MAP2: variants seen among roughly 807,000 people sequenced by gnomAD.
MAP2 encodes the protein microtubule associated protein 2, also known as microtubule-associated protein 2.
MAP2 carries 14 observed loss-of-function variants against 137.6 expected under a neutral mutation model. That is an observed-to-expected ratio of 0.10 (90% CI 0.07 to 0.16). The LOEUF (loss-of-function observed/expected upper bound fraction) is 0.16. MAP2 is among the 10% of genes least tolerant of loss of function. The pLI is 1.00. For missense variants in MAP2, 2,088 were observed against 2,191.5 expected (o/e 0.95, Z 0.94); for synonymous variants, 786 against 782.3 (o/e 1.00, Z -0.08).
intron 2 of MAP2, among the ~76,000 whole-genome samples, chr2:209,526,747 G>C (rs1312979525): frequency 1.3e-5 from 2 of 150,230 alleles, no homozygotes; most frequent in African/African-American, 4.9e-5. Context: ...AAAGAAGGAA[G>C]TGCTGCTATA....
chr2:209,502,268 C>G (rs2060472620), intron 1 of MAP2, among the ~76,000 whole-genome samples: 1 of 152,176 alleles, frequency 6.6e-6, no homozygotes, highest in South Asian at 2.1e-4. Flanking sequence ...CTCCCCACCT[C>G]CAGATAACCA....
At chr2:209,644,025 T>A (rs2094224714) in intron 4 of MAP2, among the ~76,000 whole-genome samples, 1 of 152,196 alleles carries the variant, frequency 6.6e-6, no homozygotes, top group Admixed American at 6.5e-5. Context: ...AAAGCACTAG[T>A]CTTCAAATGT....
intron 2 of MAP2, among the ~76,000 whole-genome samples, chr2:209,543,371 C>A (rs939822321): frequency 3.3e-5 from 5 of 152,166 alleles, no homozygotes; most frequent in Non-Finnish European, 7.3e-5. Flanking sequence ...GCTTGAATTA[C>A]TTTGAGAATT....
At chr2:209,681,812 T>G (rs545757580) in intron 7 of MAP2, among the ~76,000 whole-genome samples, 1 of 152,332 alleles carries the variant, frequency 6.6e-6, no homozygotes, top group South Asian at 2.1e-4. Context: ...ATTTAAAATA[T>G]TCTTTGATTT....
At position 209,678,631 on chromosome 2, in the gene MAP2, G is replaced by A. The variant is rs752068046; in HGVS notation, c.322G>A (p.Gly108Ser). Reference protein sequence around the residue: ...VTAEAVAVLKGEQEKEAQHKD... With the variant: ...VTAEAVAVLKSEQEKEAQHKD... Reference sequence around the variant, plus strand: ...TGCTGAGGCTGTAGCAGTCCTGAAAGGTGAACAAGAGAAAGAAGCTCAACA... The same window carrying A: ...TGCTGAGGCTGTAGCAGTCCTGAAAAGTGAACAAGAGAAAGAAGCTCAACA... The change falls in exon 6 of 16, where the codon GGT becomes AGT. Residue 108 changes from glycine (G) to serine (S), a missense_variant. Gly to Ser is a moderately conservative substitution (Grantham distance 56). Transcript: ENST00000682079. 6.2e-6 allele frequency: 10 copies of A among 1,607,316 alleles called. No homozygotes were observed. Among genetic ancestry groups the A allele is most frequent in the Admixed American group, 3.4e-5 (2 of 59,148 alleles).
intron 3 of MAP2, among the ~76,000 whole-genome samples, chr2:209,620,292 A>G (rs2090744554): frequency 1.3e-5 from 2 of 152,202 alleles, no homozygotes; most frequent in African/African-American, 4.8e-5. Context: ...TTAGTCCTCT[A>G]CAATAGCCTG....
chr2:209,585,607 G>A (rs2077504773), intron 3 of MAP2, among the ~76,000 whole-genome samples: 2 of 152,042 alleles, frequency 1.3e-5, no homozygotes, highest in African/African-American at 4.8e-5. Context: ...ATTCAGCAGT[G>A]TCTTAAGGAT....
intron 2 of MAP2, among the ~76,000 whole-genome samples, chr2:209,553,005 A>G (rs186846353): frequency 9.2e-5 from 14 of 151,990 alleles, no homozygotes; most frequent in African/African-American, 2.9e-4. Context: ...ATTAAAAAGA[A>G]TGTTTTGTTG....
chr2:209,705,565 G>A lies in MAP2; in HGVS notation c.4585-15G>A. The A allele has an allele frequency of 6.4e-7, 1 of 1,567,126 alleles. No homozygotes were observed. Among genetic ancestry groups the A allele is most frequent in the Non-Finnish European group, 8.6e-7 (1 of 1,159,042 alleles). On this transcript the variant is annotated splice_polypyrimidine_tract_variant and intron_variant, in intron 11 of 15. Coordinates refer to ENST00000682079, the MANE Select transcript of MAP2 (RefSeq NM_001375505.1). ...GTTACAAGAACCCAATGTTCTTTTT[G>A]TTTTCTCCAATCAGGACGGAGTAAC...
chr2:209,721,429 T>C (rs1246460878), intron 13 of MAP2, among the ~76,000 whole-genome samples: 2 of 152,212 alleles, frequency 1.3e-5, no homozygotes, highest in East Asian at 1.9e-4. Flanking sequence ...TGAGCAGATA[T>C]AGGTGGAGAA....
chr2:209,512,536 A>G (rs1048971595), intron 2 of MAP2, among the ~76,000 whole-genome samples: 1 of 150,808 alleles, frequency 6.6e-6, no homozygotes, highest in African/African-American at 2.4e-5. Context: ...AAATATATTA[A>G]TGAAAGAAGC....
At chr2:209,709,122 C>G (rs1342660133) in intron 12 of MAP2, among the ~76,000 whole-genome samples, 1 of 152,080 alleles carries the variant, frequency 6.6e-6, no homozygotes, top group Non-Finnish European at 1.5e-5. Context: ...AGAAATGCAT[C>G]TCAGATCCTG....
intron 4 of MAP2, among the ~76,000 whole-genome samples, chr2:209,625,902 C>T (rs1350040237): frequency 2.0e-5 from 3 of 151,966 alleles, no homozygotes; most frequent in African/African-American, 2.4e-5. Flanking sequence ...TATTTTACAT[C>T]TTTCTTTAAA....
intron 1 of MAP2, among the ~76,000 whole-genome samples, chr2:209,496,111 A>T (rs2059721193): frequency 6.6e-6 from 1 of 152,190 alleles, no homozygotes; most frequent in African/African-American, 2.4e-5. Context: ...GTTTTGTATG[A>T]ATAATACAAT....
intron 1 of MAP2, among the ~76,000 whole-genome samples, chr2:209,470,806 AC>A (rs1426312223): frequency 2.6e-5 from 4 of 152,122 alleles, no homozygotes; most frequent in African/African-American, 9.7e-5. Flanking sequence ...GAAAGGGAAC[AC>A]CTTTTTGAGG....
intron 7 of MAP2, among the ~76,000 whole-genome samples, chr2:209,687,511 G>A (rs1339645560): frequency 6.6e-6 from 1 of 152,060 alleles, no homozygotes; most frequent in Non-Finnish European, 1.5e-5. Flanking sequence ...CTTGCTTAAG[G>A]GATAGGTGGA....
Position 209,434,833 on chromosome 2 carries a change from CTATATATA to C in MAP2, c.-222+10565_-222+10572del, listed in dbSNP as rs869181860. Among the ~76,000 whole-genome samples, 25 of 93,186 alleles carry C rather than the reference CTATATATA, an allele frequency of 2.7e-4. No homozygotes were observed. In the Middle Eastern group the frequency reaches 0.022, roughly 81 times the overall value. The allele number at this position is 93,186 out of a possible 152,430, so 61.1% of individuals were successfully genotyped here. A position where few individuals can be genotyped will look rare whatever the true frequency, so the allele number is the denominator to read the frequency against. On this transcript the variant is annotated intron_variant, in intron 1 of 15. Coordinates refer to ENST00000682079, the MANE Select transcript of MAP2 (RefSeq NM_001375505.1). ...CCAGATCCTCTCTCTCTCTCTCTCT[CTATATATA>C]TATATATGTTATATATATATGTTAT...
intron 1 of MAP2, among the ~76,000 whole-genome samples, chr2:209,425,796 T>C (rs1054713231): frequency 6.6e-6 from 1 of 152,180 alleles, no homozygotes; most frequent in African/African-American, 2.4e-5. Context: ...GGCAGTCAAA[T>C]AGATTGAATA....
intron 4 of MAP2, among the ~76,000 whole-genome samples, chr2:209,626,052 G>GTA (rs1351912293): frequency 1.3e-5 from 2 of 152,056 alleles, no homozygotes; most frequent in African/African-American, 4.8e-5. Flanking sequence ...GGCCACAGCA[G>GTA]TATTCACTTT....
Sources: allele counts gnomAD v4.1 joint callset (sites outside exome capture counted in the v4.1 genomes callset), GRCh38; gene constraint gnomAD v4.1.1; transcripts MANE v1.5; gene names NCBI Gene and HGNC (gene_info 2026-07-23, HGNC 2026-07-21).